ZFPM1: variants seen among roughly 807,000 people sequenced by gnomAD.
ZFPM1 encodes zinc finger protein ZFPM1.
A neutral mutation model predicts 46.3 loss-of-function variants in ZFPM1; 28 were observed. That is an observed-to-expected ratio of 0.60 (90% CI 0.45 to 0.83). The LOEUF (loss-of-function observed/expected upper bound fraction) is 0.83, where lower values mean the gene tolerates loss of function less well. Ranked by LOEUF, ZFPM1 falls within the 40% of genes least tolerant of loss-of-function variation. ZFPM1 has a pLI of 0.00. For missense variants in ZFPM1, 1,878 were observed against 1,432.4 expected (o/e 1.31, Z -5.02); for synonymous variants, 957 against 675.9 (o/e 1.42, Z -6.45).
At position 88,469,959 on chromosome 16, in the gene ZFPM1, A is replaced by G. The variant is rs952349745; in HGVS notation, c.41-15980A>G. On this transcript the variant is annotated intron_variant, in intron 1 of 9. Coordinates refer to ENST00000319555, the MANE Select transcript of ZFPM1 (RefSeq NM_153813.3). The surrounding 1 kb of genome is among the most constrained non-coding windows in gnomAD (Gnocchi z 4.3). ...CCAGTCTGCAGAGGGGTCTCCACAC[A>G]TGCAGGCAGCTCTGTCCTCTCCCAG... Among the ~76,000 whole-genome samples, 14 of 152,084 alleles carry G rather than the reference A, an allele frequency of 9.2e-5. No individual in the cohort carries two copies. Among genetic ancestry groups the G allele is most frequent in the Admixed American group, 5.2e-4 (8 of 15,284 alleles).
intron 4 of ZFPM1, 148 bp downstream of exon 4, chr16:88,514,668 G>C: frequency 8.5e-7 from 1 of 1,172,080 alleles, no homozygotes; most frequent in Non-Finnish European, 1.2e-6. Flanking sequence ...AGGATAGGGA[G>C]GGATTCGCTG....
intron 6 of ZFPM1, among the ~76,000 whole-genome samples, chr16:88,529,841 T>C (rs12929780): frequency 0.72 from 109,329 of 152,100 alleles, 41,122 homozygotes; most frequent in Non-Finnish European, 0.84. Context: ...CAGAGGGGGA[T>C]GGGCTTGTGT....
In ZFPM1 at chr16:88,477,075, G is replaced by A. The variant is rs1431912727; in HGVS notation, c.41-8864G>A. On this transcript the variant is annotated intron_variant, in intron 1 of 9. Coordinates refer to ENST00000319555, the MANE Select transcript of ZFPM1 (RefSeq NM_153813.3). ...AGACCTTCCCCGCAGCCCTGAAAGT[G>A]AGTTCTGGTCTCTGCCAGCCCGGCT... Among the ~76,000 whole-genome samples the A allele has an allele frequency of 9.2e-5, 6 of 65,168 alleles. No homozygotes were observed. The East Asian group carries it at 3.7e-3, about 40-fold the overall frequency. The allele number at this position is 65,168 out of a possible 152,430, so 42.8% of individuals were successfully genotyped here.
rs1001792185 is a variant in ZFPM1 at position 88,480,133 on chromosome 16, G to A, written c.41-5806G>A. On this transcript the variant is annotated intron_variant, in intron 1 of 9. Transcript: ENST00000319555. The surrounding 1 kb of genome is among the most constrained non-coding windows in gnomAD (Gnocchi z 4.9). ...TCAGCTCCTGCTGTTCCTTTCTCCTGGAGCGCTTTTCCCTGGACCCGGTGC... is the reference window on the plus strand; with the variant it reads ...TCAGCTCCTGCTGTTCCTTTCTCCTAGAGCGCTTTTCCCTGGACCCGGTGC... Among the ~76,000 whole-genome samples the A allele has an allele frequency of 4.6e-5, 7 of 152,036 alleles. No individual in the cohort carries two copies. In the East Asian group the frequency reaches 1.4e-3, roughly 30 times the overall value.
Position 88,536,100 on chromosome 16 carries a change from T to C in ZFPM1, c.*1121T>C, listed in dbSNP as rs1913235484. 6.6e-6 allele frequency: 1 copy of C among 152,038 alleles called. No homozygotes were observed. Among genetic ancestry groups the C allele is most frequent in the Admixed American group, 6.5e-5 (1 of 15,280 alleles). The allele number at this position is 152,038 out of a possible 1,614,324, so 9.4% of individuals were successfully genotyped here. A position where few individuals can be genotyped will look rare whatever the true frequency, so the allele number is the denominator to read the frequency against. ...TTTCCTCAGTAGCTGGGGCTACAGG[T>C]GTACACCACCATGCCCAGCTAGTTT... On this transcript the variant is annotated 3_prime_UTR_variant, in exon 10 of 10. Coordinates refer to ENST00000319555, the MANE Select transcript of ZFPM1 (RefSeq NM_153813.3).
intron 1 of ZFPM1, among the ~76,000 whole-genome samples, chr16:88,484,158 G>A (rs1909091245): frequency 6.6e-6 from 1 of 152,226 alleles, no homozygotes; most frequent in Non-Finnish European, 1.5e-5. Context: ...TGGGGATTCG[G>A]AGAGAAGCTC....
In ZFPM1 at chr16:88,480,123, C is replaced by T. The variant is rs907495374; in HGVS notation, c.41-5816C>T. 6.6e-6 allele frequency among the ~76,000 whole-genome samples: 1 copy of T among 151,988 alleles called. No individual in the cohort carries two copies. Among genetic ancestry groups the T allele is most frequent in the Admixed American group, 6.6e-5 (1 of 15,258 alleles). ...TGTGCCAGCCTCAGCTCCTGCTGTT[C>T]CTTTCTCCTGGAGCGCTTTTCCCTG... On this transcript the variant is annotated intron_variant, in intron 1 of 9. Coordinates refer to ENST00000319555, the MANE Select transcript of ZFPM1 (RefSeq NM_153813.3). This position sits in a 1 kb window ranked among gnomAD's most constrained non-coding sequence, Gnocchi z 4.9.
chr16:88,494,474 C>T (rs1381445283), intron 3 of ZFPM1, among the ~76,000 whole-genome samples: 1 of 152,124 alleles, frequency 6.6e-6, no homozygotes, highest in African/African-American at 2.4e-5. Flanking sequence ...CGGGCAGAGC[C>T]TCCCGTCACA....
rs1913254892 is a variant in ZFPM1, at chr16:88,536,591, C to G, written c.*1612C>G. Reference sequence around the variant, plus strand: ...TCAGAAGCCCGAGGCACTTCCCAGCCAGTCCAGGGCTCGCTCTCCTGCCCG... The same window carrying G: ...TCAGAAGCCCGAGGCACTTCCCAGCGAGTCCAGGGCTCGCTCTCCTGCCCG... On this transcript the variant is annotated 3_prime_UTR_variant, in exon 10 of 10. Coordinates refer to ENST00000319555, the MANE Select transcript of ZFPM1 (RefSeq NM_153813.3). 2.0e-5 allele frequency: 3 copies of G among 152,280 alleles called. No individual in the cohort carries two copies. The highest frequency in any genetic ancestry group is 4.4e-5 in the Non-Finnish European group (3 of 68,058). The allele number at this position is 152,280 out of a possible 1,614,324, so 9.4% of individuals were successfully genotyped here. A position where few individuals can be genotyped will look rare whatever the true frequency, so the allele number is the denominator to read the frequency against.
chr16:88,514,539 CGCCCCTG>C lies in ZFPM1; in HGVS notation c.402+20_402+26del. The C allele has an allele frequency of 6.5e-7, 1 of 1,543,834 alleles. No homozygotes were observed. Among genetic ancestry groups the C allele is most frequent in the Non-Finnish European group, 8.7e-7 (1 of 1,144,924 alleles). On this transcript the variant is annotated intron_variant, in intron 4 of 9. Transcript: ENST00000319555. Reference sequence around the variant, plus strand: ...GGAGCCGGTAAGAAGCCCCCATCCCCGCCCCTGCCCGCCCACCCCAATGCAGGGCAAC... The same window carrying C: ...GGAGCCGGTAAGAAGCCCCCATCCCCCCCGCCCACCCCAATGCAGGGCAAC...
At chr16:88,512,756 G>A (rs12918000) in intron 3 of ZFPM1, among the ~76,000 whole-genome samples, 28,354 of 152,010 alleles carry the variant, frequency 0.19, 2,779 homozygotes, top group South Asian at 0.27. Context: ...CACACACCAG[G>A]AGCTCCCATC....
rs1418206619 is a variant in ZFPM1 at position 88,462,146 on chromosome 16, C to T, written c.40+8468C>T. On this transcript the variant is annotated intron_variant, in intron 1 of 9. Transcript: ENST00000319555. Reference sequence around the variant, plus strand: ...GAGCAGATAAGCAGGCCCCTCCCCTCAGCCTCCTGTGCCTCCGTCTGCTTC... The same window carrying T: ...GAGCAGATAAGCAGGCCCCTCCCCTTAGCCTCCTGTGCCTCCGTCTGCTTC... 2.6e-5 allele frequency among the ~76,000 whole-genome samples: 4 copies of T among 152,240 alleles called. No homozygotes were observed. In the South Asian group the frequency reaches 6.2e-4, roughly 24 times the overall value.
At chr16:88,516,112 G>A (rs1911280141) in intron 4 of ZFPM1, 1 of 398,584 alleles carries the variant, frequency 2.5e-6, no homozygotes, top group Non-Finnish European at 4.4e-6. Flanking sequence ...CCATTTTACA[G>A]ATGAGAAAAC....
upstream of ZFPM1, among the ~76,000 whole-genome samples, chr16:88,451,823 C>T (rs1457595351): frequency 6.6e-6 from 1 of 152,172 alleles, no homozygotes; most frequent in Non-Finnish European, 1.5e-5. Flanking sequence ...GCTCTCTTGG[C>T]CTCCTGGTCT....
intron 2 of ZFPM1, among the ~76,000 whole-genome samples, 191 bp downstream of exon 2, chr16:88,486,234 G>A (rs1000030630): frequency 2.0e-5 from 3 of 152,228 alleles, no homozygotes; most frequent in Non-Finnish European, 4.4e-5. Context: ...CTCCAGGAAA[G>A]GGGAGATGTG....
chr16:88,492,608 A>AC (rs1326174558), intron 3 of ZFPM1, among the ~76,000 whole-genome samples: 1 of 151,906 alleles, frequency 6.6e-6, no homozygotes, highest in South Asian at 2.1e-4. Context: ...ATCCTGGGAA[A>AC]CCCCCCAACC....
Position 88,469,764 on chromosome 16 carries a change from G to C in ZFPM1, c.40+16086G>C, listed in dbSNP as rs976675009. On this transcript the variant is annotated intron_variant, in intron 1 of 9. Coordinates refer to ENST00000319555, the MANE Select transcript of ZFPM1 (RefSeq NM_153813.3). The surrounding 1 kb of genome is among the most constrained non-coding windows in gnomAD (Gnocchi z 4.3). Reference sequence around the variant, plus strand: ...GGAAAATAGTGGCGGGGCGAGGAGAGAAAGAGTCTGGGCTGAGATCTAAGG... The same window carrying C: ...GGAAAATAGTGGCGGGGCGAGGAGACAAAGAGTCTGGGCTGAGATCTAAGG... 2.0e-5 allele frequency among the ~76,000 whole-genome samples: 3 copies of C among 152,096 alleles called. No individual in the cohort carries two copies. The highest frequency in any genetic ancestry group is 4.4e-5 in the Non-Finnish European group (3 of 68,006).
chr16:88,461,645 T>G (rs1224896040), intron 1 of ZFPM1, among the ~76,000 whole-genome samples: 1 of 151,428 alleles, frequency 6.6e-6, no homozygotes, highest in Non-Finnish European at 1.5e-5. Flanking sequence ...CCGGTTGCAT[T>G]ATTGATATTT....
rs998388291 is a variant in ZFPM1, at chr16:88,461,269, G to T, written c.40+7591G>T. ...GCGGGAGGCCCTGGTGAGGACCGAC[G>T]GGTGCGAGGCCTGGTGAGGACCAGG... On this transcript the variant is annotated intron_variant, in intron 1 of 9. Transcript: ENST00000319555. Among the ~76,000 whole-genome samples, 4 of 150,448 alleles carry T rather than the reference G, an allele frequency of 2.7e-5. 1 individual carries two copies. Among genetic ancestry groups the T allele is most frequent in the African/African-American group, 9.7e-5 (4 of 41,162 alleles).
Sources: allele counts gnomAD v4.1 joint callset (sites outside exome capture counted in the v4.1 genomes callset), GRCh38; gene constraint gnomAD v4.1.1; non-coding constraint Gnocchi (gnomAD v3.1); transcripts MANE v1.5; gene names NCBI Gene and HGNC (gene_info 2026-07-23, HGNC 2026-07-21).